IQCH: variants seen among roughly 807,000 people sequenced by gnomAD.
IQCH encodes the protein IQ motif containing H, also known as IQ domain-containing protein H.
A neutral mutation model predicts 117.0 loss-of-function variants in IQCH; 98 were observed. That is an observed-to-expected ratio of 0.84 (90% CI 0.71 to 0.99). IQCH has a LOEUF of 0.99. Ranked by LOEUF, IQCH falls within the 50% of genes least tolerant of loss-of-function variation. IQCH has a pLI of 0.00. For missense variants in IQCH, 1,102 were observed against 1,243.8 expected, an observed-to-expected ratio of 0.89 and a Z score of 1.72; for synonymous variants, 412 against 448.2, an observed-to-expected ratio of 0.92 and a Z score of 1.02.
rs1968934934 is a variant in IQCH at position 67,337,215 on chromosome 15, A to G, written c.508+120A>G. On this transcript the variant is annotated intron_variant, in intron 5 of 20. Transcript: ENST00000335894. ...CACTAATTCTCCTGGGTGGCCTCAG[A>G]CAAGTCAGGTCCTCACTCTGGTCTG... 4 of 1,068,960 alleles carry G rather than the reference A, an allele frequency of 3.7e-6. No homozygotes were observed. The Admixed American group carries it at 6.4e-5, about 17-fold the overall frequency. 66.2% of individuals were successfully genotyped at this position (1,068,960 alleles called of 1,614,324 possible).
chr15:67,439,880 C>T (rs1252103663), intron 16 of IQCH, among the ~76,000 whole-genome samples: 3 of 113,300 alleles, frequency 2.6e-5, no homozygotes, highest in African/African-American at 7.9e-5. Flanking sequence ...AAGAGCAAAA[C>T]TCCGTCTCAA....
intron 4 of IQCH, among the ~76,000 whole-genome samples, chr15:67,334,640 A>G (rs781217381): frequency 2.0e-5 from 3 of 152,294 alleles, no homozygotes; most frequent in Non-Finnish European, 4.4e-5. Context: ...CAGCCTACCT[A>G]TTCTGAGTTA....
chr15:67,382,037 C>T (rs991434481), intron 10 of IQCH, among the ~76,000 whole-genome samples: 23 of 151,950 alleles, frequency 1.5e-4, no homozygotes, highest in African/African-American at 2.7e-4. Context: ...GTGTTTCATT[C>T]GTTTATTTGA....
chr15:67,340,446 A>C lies in IQCH; in HGVS notation c.508+3351A>C, dbSNP rs893455542. Among the ~76,000 whole-genome samples, 740 of 146,194 alleles carry C rather than the reference A, an allele frequency of 5.1e-3. 12 individuals are homozygous for C. Among genetic ancestry groups the C allele is most frequent in the African/African-American group, 0.017 (652 of 38,518 alleles). ...CATCTCAAAAAAAAAAAAAAAAAAA[A>C]AAAAAAAAAAAAAAAAAACAGTAAC... is the stretch of plus-strand genomic sequence containing the variant. On this transcript the variant is annotated intron_variant, in intron 5 of 20. Transcript: ENST00000335894.
chr15:67,449,662 G>T (rs921414817), intron 16 of IQCH, among the ~76,000 whole-genome samples: 4 of 152,208 alleles, frequency 2.6e-5, no homozygotes, highest in Non-Finnish European at 5.9e-5. Context: ...GTAGCGTGAT[G>T]CCTCCAGCTT....
At chr15:67,398,562 T>C (rs755087306) in intron 13 of IQCH, among the ~76,000 whole-genome samples, 1 of 152,122 alleles carries the variant, frequency 6.6e-6, no homozygotes, top group Non-Finnish European at 1.5e-5. Context: ...AGTATGGCCA[T>C]TTTGCTGTCT....
intron 4 of IQCH, among the ~76,000 whole-genome samples, chr15:67,326,830 A>G (rs1968434767): frequency 6.6e-6 from 1 of 152,252 alleles, no homozygotes; most frequent in Non-Finnish European, 1.5e-5. Flanking sequence ...GTTAATATGC[A>G]CTGAGTTTCA....
chr15:67,346,585 T>C (rs139835316), intron 6 of IQCH, among the ~76,000 whole-genome samples: 2 of 152,290 alleles, frequency 1.3e-5, no homozygotes, highest in African/African-American at 4.8e-5. Flanking sequence ...ATGGTAATGC[T>C]TGCTCACCTG....
chr15:67,490,064 T>G lies in IQCH; in HGVS notation c.2861T>G (p.Leu954Ter), dbSNP rs200332503. 2 of 1,603,602 alleles carry G rather than the reference T, an allele frequency of 1.2e-6. No individual in the cohort carries two copies. Among genetic ancestry groups the G allele is most frequent in the Non-Finnish European group, 8.5e-7 (1 of 1,172,250 alleles). Reference sequence around the variant, plus strand: ...CTGAAGAGACACAAGTTGGGAATGTTGTGAGTATGAAGTGTATCTGTGAGT... The same window carrying G: ...CTGAAGAGACACAAGTTGGGAATGTGGTGAGTATGAAGTGTATCTGTGAGT... ...EHLKRHKLGM[L>*]TIGEDLQGVL... The change falls in exon 19 of 21, where the codon TTA becomes TGA. Residue 954 changes from leucine (L) to a stop codon, truncating the protein, a stop_gained and splice_region_variant. Coordinates refer to ENST00000335894, the MANE Select transcript of IQCH (RefSeq NM_001031715.3). LOFTEE classifies it high-confidence loss of function. The surrounding 1 kb of genome is among the most constrained non-coding windows in gnomAD (Gnocchi z 4.9).
At chr15:67,261,039 T>A (rs1003046225) in intron 1 of IQCH, among the ~76,000 whole-genome samples, 14 of 146,342 alleles carry the variant, frequency 9.6e-5, no homozygotes, top group African/African-American at 3.3e-4. Context: ...GAGGTTGCAG[T>A]GAGCCTAGAT....
At chr15:67,318,261 C>G (rs1425329614) in intron 4 of IQCH, among the ~76,000 whole-genome samples, 1 of 151,968 alleles carries the variant, frequency 6.6e-6, no homozygotes, top group African/African-American at 2.4e-5. Context: ...CTCTCTTTCT[C>G]TTTCTTTCTC....
rs1246532669 is a variant in IQCH, at chr15:67,383,631, A to G, written c.1373-1305A>G. 3.3e-5 allele frequency among the ~76,000 whole-genome samples: 5 copies of G among 152,212 alleles called. No individual in the cohort carries two copies. In the East Asian group the frequency reaches 9.6e-4, roughly 29 times the overall value. Reference sequence around the variant, plus strand: ...TCTAAACATTTATTTGAATATAGATAAAATTATACATATGCAAAATCCCAA... The same window carrying G: ...TCTAAACATTTATTTGAATATAGATGAAATTATACATATGCAAAATCCCAA... On this transcript the variant is annotated intron_variant, in intron 10 of 20. Coordinates refer to ENST00000335894, the MANE Select transcript of IQCH (RefSeq NM_001031715.3).
intron 16 of IQCH, among the ~76,000 whole-genome samples, chr15:67,421,999 T>C (rs1333593308): frequency 6.6e-6 from 1 of 151,702 alleles, no homozygotes; most frequent in East Asian, 1.9e-4. Flanking sequence ...CTTGGGAGGC[T>C]GAGGCAGGAG....
intron 13 of IQCH, 32 bp from the exon 14 acceptor site, chr15:67,400,082 T>C: frequency 6.3e-7 from 1 of 1,584,526 alleles, no homozygotes; most frequent in Non-Finnish European, 8.7e-7. Context: ...AAATGAACTG[T>C]ATTAAATGCA....
chr15:67,497,647 C>T (rs2083858650), intron 20 of IQCH, among the ~76,000 whole-genome samples: 1 of 152,134 alleles, frequency 6.6e-6, no homozygotes, highest in Admixed American at 6.5e-5. Flanking sequence ...GCACGCACCA[C>T]CATGCCTGGC....
At chr15:67,276,327 A>G (rs1474442323) in intron 3 of IQCH, among the ~76,000 whole-genome samples, 1 of 152,238 alleles carries the variant, frequency 6.6e-6, no homozygotes, top group Non-Finnish European at 1.5e-5. Flanking sequence ...AACTTTGGAC[A>G]TTATATTTAA....
At chr15:67,429,871 C>G (rs746599537) in intron 16 of IQCH, among the ~76,000 whole-genome samples, 1 of 152,182 alleles carries the variant, frequency 6.6e-6, no homozygotes, top group Non-Finnish European at 1.5e-5. Context: ...AGAATTCTTT[C>G]TAGACCTAAG....
rs1257285243 is a variant in IQCH at position 67,463,718 on chromosome 15, T to C, written c.2506-1409T>C. On this transcript the variant is annotated intron_variant, in intron 16 of 20. Coordinates refer to ENST00000335894, the MANE Select transcript of IQCH (RefSeq NM_001031715.3). This position sits in a 1 kb window ranked among gnomAD's most constrained non-coding sequence, Gnocchi z 4.0. ...CCTTCATGATGCAGCCCTGATTTCATTAGACAAACCCAGTCTGTCCTTTCT... is the reference window on the plus strand; with the variant it reads ...CCTTCATGATGCAGCCCTGATTTCACTAGACAAACCCAGTCTGTCCTTTCT... Among the ~76,000 whole-genome samples the C allele has an allele frequency of 6.6e-6, 1 of 152,274 alleles. No individual in the cohort carries two copies. Among genetic ancestry groups the C allele is most frequent in the Admixed American group, 6.5e-5 (1 of 15,286 alleles).
chr15:67,301,105 G>C (rs897535390), intron 4 of IQCH, among the ~76,000 whole-genome samples: 1 of 151,874 alleles, frequency 6.6e-6, no homozygotes, highest in Admixed American at 6.6e-5. Context: ...TACATAAATT[G>C]GTATCTTTTC....
Sources: allele counts gnomAD v4.1 joint callset (sites outside exome capture counted in the v4.1 genomes callset), GRCh38; gene constraint gnomAD v4.1.1; non-coding constraint Gnocchi (gnomAD v3.1); transcripts MANE v1.5; gene names NCBI Gene and HGNC (gene_info 2026-07-23, HGNC 2026-07-21).